Variants in CMIP observed in about 807,000 individuals in gnomAD.
CMIP encodes the protein C-Maf-inducing protein.
Under a neutral mutation model 97.3 loss-of-function variants are expected in CMIP, and 13 were observed. The observed-to-expected ratio is 0.13, with a 90% CI of 0.09 to 0.21. The LOEUF (loss-of-function observed/expected upper bound fraction) is 0.21. Among genes scored for constraint, CMIP ranks in the 10% least tolerant of loss-of-function variants. CMIP has a pLI of 1.00. For synonymous variants in CMIP, 538 were observed against 436.3 expected (o/e 1.23, Z -2.91); for missense variants, 847 against 1,024.9 (o/e 0.83, Z 2.37).
At chr16:81,605,371 A>G (rs1278919542) in intron 1 of CMIP, among the ~76,000 whole-genome samples, 1 of 152,152 alleles carries the variant, frequency 6.6e-6, no homozygotes, top group Non-Finnish European at 1.5e-5. Context: ...CTCCTCCCCT[A>G]GATTGTGGGG....
intron 1 of CMIP, among the ~76,000 whole-genome samples, chr16:81,486,936 G>A (rs916558730): frequency 6.6e-6 from 1 of 152,268 alleles, no homozygotes; most frequent in Non-Finnish European, 1.5e-5. Flanking sequence ...CGGCCTCCTG[G>A]GGTTCAAAGG....
intron 1 of CMIP, among the ~76,000 whole-genome samples, chr16:81,551,479 A>G (rs1288810048): frequency 1.3e-5 from 2 of 152,196 alleles, no homozygotes; most frequent in African/African-American, 2.4e-5. Flanking sequence ...AAATGAAAAA[A>G]CATTTGGGGT....
intron 1 of CMIP, among the ~76,000 whole-genome samples, chr16:81,564,289 C>T (rs2090939612): frequency 6.6e-6 from 1 of 152,178 alleles, no homozygotes; most frequent in African/African-American, 2.4e-5. Context: ...CTTCCAACCC[C>T]ACTTAAGGTG....
chr16:81,640,738 ATGTGTG>A (rs751455480), intron 3 of CMIP, among the ~76,000 whole-genome samples: 9 of 139,030 alleles, frequency 6.5e-5, no homozygotes, highest in African/African-American at 1.3e-4. Flanking sequence ...TCTCTGGAGC[ATGTGTG>A]TGTGTGTGTG....
In CMIP at chr16:81,682,528, G is replaced by C. The variant is rs143851210; in HGVS notation, c.1388+3900G>C. ...TGCAGTGAGCTGAGATCACGCCATT[G>C]CGTTCCATCCTGGGCAACAAGAGCG... On this transcript the variant is annotated intron_variant, in intron 10 of 20. Transcript: ENST00000537098. Among the ~76,000 whole-genome samples, 782 of 151,968 alleles carry C rather than the reference G, an allele frequency of 5.1e-3. 14 individuals are homozygous for C. Among genetic ancestry groups the C allele is most frequent in the African/African-American group, 0.018 (756 of 41,416 alleles).
intron 1 of CMIP, among the ~76,000 whole-genome samples, chr16:81,574,434 G>A (rs539870008): frequency 5.9e-5 from 9 of 152,398 alleles, no homozygotes; most frequent in African/African-American, 1.4e-4. Flanking sequence ...CAGCAGGACC[G>A]GGCGAAGCCC....
At chr16:81,564,905 A>G (rs889604489) in intron 1 of CMIP, among the ~76,000 whole-genome samples, 1 of 152,086 alleles carries the variant, frequency 6.6e-6, no homozygotes, top group Non-Finnish European at 1.5e-5. Context: ...GCATCCTTGG[A>G]ATGAGTGCAT....
chr16:81,657,422 A>C (rs1260481275), intron 4 of CMIP, among the ~76,000 whole-genome samples: 1 of 152,088 alleles, frequency 6.6e-6, no homozygotes, highest in Non-Finnish European at 1.5e-5. Flanking sequence ...AAGCAGTTTC[A>C]CTTTGACGAG....
At chr16:81,521,076 C>T (rs1261659048) in intron 1 of CMIP, among the ~76,000 whole-genome samples, 1 of 152,216 alleles carries the variant, frequency 6.6e-6, no homozygotes, top group East Asian at 1.9e-4. Context: ...GTGCTTTATA[C>T]AAGATTTAAT....
chr16:81,540,865 A>G (rs2090436518), intron 1 of CMIP, among the ~76,000 whole-genome samples: 3 of 151,896 alleles, frequency 2.0e-5, no homozygotes. Context: ...TATTTTTAGT[A>G]GAGACAGGGT....
chr16:81,603,116 G>C (rs1200057947), intron 1 of CMIP, among the ~76,000 whole-genome samples: 1 of 152,158 alleles, frequency 6.6e-6, no homozygotes, highest in Admixed American at 6.5e-5. Flanking sequence ...GTCTTGCTCT[G>C]TTGCCCAGGC....
chr16:81,593,679 A>G (rs1369304159), intron 1 of CMIP, among the ~76,000 whole-genome samples: 3 of 152,154 alleles, frequency 2.0e-5, no homozygotes, highest in Non-Finnish European at 4.4e-5. Context: ...GCGTCTGGGC[A>G]TTGAGCTCAT....
At chr16:81,493,937 C>G (rs2089446662) in intron 1 of CMIP, among the ~76,000 whole-genome samples, 1 of 152,194 alleles carries the variant, frequency 6.6e-6, no homozygotes, top group South Asian at 2.1e-4. Flanking sequence ...ACTGGTGCTT[C>G]TCAGGAAGTC....
At position 81,710,863 on chromosome 16, in the gene CMIP, C is replaced by T. The variant is rs998801764; in HGVS notation, c.*1064C>T. The stretch of plus-strand genomic sequence containing the variant: ...CCAGGGAGCTCCTGTCCCTGTCAGC[C>T]TTTGCTGTCCCCTGTCCCCAACGGA... On this transcript the variant is annotated 3_prime_UTR_variant, in exon 21 of 21. Transcript: ENST00000537098. The T allele has an allele frequency of 6.6e-6, 1 of 152,266 alleles. No individual in the cohort carries two copies. The highest frequency in any genetic ancestry group is 6.5e-5 in the Admixed American group (1 of 15,288). 9.4% of individuals were successfully genotyped at this position (152,266 alleles called of 1,614,324 possible).
At chr16:81,551,224 C>T (rs1184991763) in intron 1 of CMIP, among the ~76,000 whole-genome samples, 1 of 151,742 alleles carries the variant, frequency 6.6e-6, no homozygotes, top group Non-Finnish European at 1.5e-5. Context: ...CCAGTTCCAT[C>T]ACACACACCC....
chr16:81,607,539 A>G, intron 1 of CMIP, 28 bp from the exon 2 acceptor site: 1 of 1,611,720 alleles, frequency 6.2e-7, no homozygotes, highest in Non-Finnish European at 8.5e-7. Flanking sequence ...ACCAATGCAT[A>G]TCTCTTCTTT....
At chr16:81,701,510 C>T in intron 15 of CMIP, 150 bp from the exon 16 acceptor site, 1 of 997,904 alleles carries the variant, frequency 1.0e-6, no homozygotes, top group East Asian at 2.4e-5. Context: ...GGAAGTTGGG[C>T]AGGTGATTTG....
chr16:81,474,773 C>T (rs965763093), intron 1 of CMIP, among the ~76,000 whole-genome samples: 19 of 152,338 alleles, frequency 1.2e-4, no homozygotes, highest in Admixed American at 1.2e-3. Flanking sequence ...CACGCCCTTC[C>T]TGCCTCCTTG....
rs200976940 is a variant in CMIP at position 81,670,258 on chromosome 16, C to T, written c.929+13C>T. The T allele has an allele frequency of 3.9e-4, 629 of 1,597,938 alleles. 3 individuals are homozygous for T. Among genetic ancestry groups the T allele is most frequent in the Middle Eastern group, 1.7e-4 (1 of 6,034 alleles). Reference sequence around the variant, plus strand: ...AGTTCATTCAGAGGTGGGTCTCCGGCGCGACGTCCCTCTGTGGCCTAGGAG... The same window carrying T: ...AGTTCATTCAGAGGTGGGTCTCCGGTGCGACGTCCCTCTGTGGCCTAGGAG... On this transcript the variant is annotated intron_variant, in intron 8 of 20. Coordinates refer to ENST00000537098, the MANE Select transcript of CMIP (RefSeq NM_198390.3).
Sources: allele counts gnomAD v4.1 joint callset (sites outside exome capture counted in the v4.1 genomes callset), GRCh38; gene constraint gnomAD v4.1.1; transcripts MANE v1.5; gene names NCBI Gene and HGNC (gene_info 2026-07-23, HGNC 2026-07-21).